The following RIMS2 variants were observed in gnomAD, a reference collection of about 807,000 sequenced individuals.
RIMS2 encodes regulating synaptic membrane exocytosis protein 2.
In RIMS2, 59 loss-of-function variants were observed where a neutral mutation model predicts 174.4. That is an observed-to-expected ratio of 0.34 (90% CI 0.27 to 0.42). The LOEUF (loss-of-function observed/expected upper bound fraction) is 0.42. Among genes scored for constraint, RIMS2 ranks in the 10% least tolerant of loss-of-function variants. The probability of loss-of-function intolerance (pLI) is 1.00; values close to 1 mark genes in which losing one functional copy is unlikely to be tolerated. For synonymous variants in RIMS2, 606 were observed against 572.5 expected, an observed-to-expected ratio of 1.06 and a Z score of -0.84; for missense variants, 1,620 against 1,666.3, an observed-to-expected ratio of 0.97 and a Z score of 0.48.
At chr8:104,113,636 T>C (rs1384871126) in intron 19 of RIMS2, among the ~76,000 whole-genome samples, 1 of 152,020 alleles carries the variant, frequency 6.6e-6, no homozygotes, top group Non-Finnish European at 1.5e-5. Context: ...AGTTATGCTT[T>C]AACCCACTGA....
chr8:103,941,342 G>A (rs751372421), intron 13 of RIMS2, among the ~76,000 whole-genome samples: 83 of 151,906 alleles, frequency 5.5e-4, no homozygotes, highest in Admixed American at 1.5e-3. Context: ...AAAGAAATTA[G>A]CCAGGCATGG....
At chr8:103,728,748 C>CTTTTTTTTTTTTTTTTTTT (rs71575982) in intron 2 of RIMS2, among the ~76,000 whole-genome samples, 6 of 92,682 alleles carry the variant, frequency 6.5e-5, no homozygotes, top group African/African-American at 1.4e-4. Context: ...TATGCTCCTT[C>CTTTTTTTTTTTTTTTTTTT]TTTTTTTTTT....
intron 9 of RIMS2, chr8:103,918,744 C>T (rs1832874478): frequency 2.8e-6 from 1 of 362,468 alleles, no homozygotes; most frequent in African/African-American, 2.0e-5. Flanking sequence ...CTACAATAAA[C>T]TGCATATACT....
intron 19 of RIMS2, among the ~76,000 whole-genome samples, chr8:104,180,139 C>T (rs992356455): frequency 6.6e-6 from 1 of 151,586 alleles, no homozygotes; most frequent in African/African-American, 2.4e-5. Context: ...ACAATGCTAC[C>T]GTGAACAAAC....
At chr8:103,606,779 C>A (rs565784562) in intron 1 of RIMS2, among the ~76,000 whole-genome samples, 5 of 151,866 alleles carry the variant, frequency 3.3e-5, no homozygotes, top group Admixed American at 2.0e-4. Context: ...CTCTTTTGAT[C>A]TTTGTTGGTT....
chr8:104,165,579 A>G (rs926204230), intron 19 of RIMS2, among the ~76,000 whole-genome samples: 1 of 151,960 alleles, frequency 6.6e-6, no homozygotes, highest in Non-Finnish European at 1.5e-5. Context: ...AAATTCATTT[A>G]GTTTTAATCT....
chr8:103,696,916 A>G (rs1237894102), intron 1 of RIMS2, among the ~76,000 whole-genome samples, 170 bp from the exon 4 acceptor site: 1 of 151,372 alleles, frequency 6.6e-6, no homozygotes, highest in African/African-American at 2.4e-5. Flanking sequence ...TACTTTTACA[A>G]ATAATGTGCC....
chr8:103,770,982 A>G (rs915681587), intron 3 of RIMS2, among the ~76,000 whole-genome samples: 1 of 152,262 alleles, frequency 6.6e-6, no homozygotes, highest in Non-Finnish European at 1.5e-5. Context: ...ACTTATAACT[A>G]TATTTGAAAC....
intron 2 of RIMS2, among the ~76,000 whole-genome samples, chr8:103,728,289 T>A (rs2097547801): frequency 6.6e-6 from 1 of 152,184 alleles, no homozygotes; most frequent in African/African-American, 2.4e-5. Context: ...TGATTTTATA[T>A]CCTGGAACTT....
intron 15 of RIMS2, among the ~76,000 whole-genome samples, chr8:103,969,770 C>T (rs546727379): frequency 1.3e-5 from 2 of 151,886 alleles, no homozygotes; most frequent in African/African-American, 4.8e-5. Context: ...TTTTTTTAGA[C>T]AGGGACTCGC....
chr8:103,572,749 G>T lies in RIMS2; in HGVS notation c.176+71687G>T, dbSNP rs186215252. Among the ~76,000 whole-genome samples the T allele has an allele frequency of 2.1e-4, 32 of 151,990 alleles. 1 individual carries two copies. The highest frequency in any genetic ancestry group is 2.1e-3 in the Admixed American group (32 of 15,264). On this transcript the variant is annotated intron_variant, in intron 1 of 23. Transcript: ENST00000504942. ...TGCTCTTTGCCAACTTTTTAATGGG[G>T]TCATTTATTTTTTATTTGTCAATTT...
At chr8:103,998,211 G>C in intron 17 of RIMS2, 1 of 1,609,684 alleles carries the variant, frequency 6.2e-7, no homozygotes, top group Non-Finnish European at 8.5e-7. Flanking sequence ...CCTCGCTCCA[G>C]ATACAGTCAG....
chr8:104,204,771 A>G (rs181764966), intron 19 of RIMS2, among the ~76,000 whole-genome samples: 2 of 152,348 alleles, frequency 1.3e-5, no homozygotes, highest in Admixed American at 1.3e-4. Flanking sequence ...AGAGGCTTGT[A>G]TATAAGGAAA....
At chr8:103,659,176 T>G (rs950447868) in intron 1 of RIMS2, among the ~76,000 whole-genome samples, 1 of 152,002 alleles carries the variant, frequency 6.6e-6, no homozygotes, top group African/African-American at 2.4e-5. Context: ...GTCAAAGAAG[T>G]TGATATGGAG....
At chr8:103,899,205 A>G (rs932051254) in intron 4 of RIMS2, among the ~76,000 whole-genome samples, 1 of 151,738 alleles carries the variant, frequency 6.6e-6, no homozygotes, top group African/African-American at 2.4e-5. Flanking sequence ...TCTTTATAGC[A>G]GCATGATTTA....
At chr8:103,766,535 C>A (rs2098172955) in exon 3 of RIMS2, 2 of 1,600,680 alleles carry the variant, frequency 1.2e-6, no homozygotes, top group Non-Finnish European at 1.7e-6. Context: ...TAGCTTCAGA[C>A]AGGTAAACAT....
At chr8:103,938,861 A>G (rs927900372) in intron 13 of RIMS2, among the ~76,000 whole-genome samples, 2 of 152,228 alleles carry the variant, frequency 1.3e-5, no homozygotes, top group African/African-American at 2.4e-5. Flanking sequence ...GAGGCTGTCA[A>G]ATCTTAAAAC....
intron 1 of RIMS2, among the ~76,000 whole-genome samples, chr8:103,538,251 ATTCTAAT>A (rs1840758744): frequency 1.3e-5 from 2 of 152,270 alleles, no homozygotes; most frequent in Admixed American, 1.3e-4. Flanking sequence ...TTCTGTTAAT[ATTCTAAT>A]AACAATCTTA....
chr8:103,507,152 A>T (rs919938099), intron 1 of RIMS2, among the ~76,000 whole-genome samples: 1 of 152,052 alleles, frequency 6.6e-6, no homozygotes, highest in East Asian at 1.9e-4. Flanking sequence ...CCTCAAATAC[A>T]CTTAAGCTTT....
Sources: gnomAD v4.1 joint callset for allele counts (sites outside exome capture counted in the v4.1 genomes callset) on GRCh38, gnomAD v4.1.1 for gene constraint, MANE v1.5 for transcripts, NCBI Gene and HGNC (gene_info 2026-07-23, HGNC 2026-07-21) for gene names.